The following SSH2 variants were observed in gnomAD, a reference collection of about 807,000 sequenced individuals.
SSH2 encodes slingshot protein phosphatase 2, also known as protein phosphatase Slingshot homolog 2.
A neutral mutation model predicts 135.2 loss-of-function variants in SSH2; 37 were observed. The ratio of observed to expected loss-of-function variants is 0.27; its 90% CI spans 0.21 to 0.36. The LOEUF is 0.36. Ranked by LOEUF, SSH2 falls within the 10% of genes least tolerant of loss-of-function variation. The probability of loss-of-function intolerance (pLI) is 1.00; values close to 1 mark genes in which losing one functional copy is unlikely to be tolerated. For missense variants in SSH2, 1,408 were observed against 1,765.3 expected (o/e 0.80, Z 3.63); for synonymous variants, 628 against 646.2 (o/e 0.97, Z 0.43).
chr17:29,853,046 A>G (rs1456697005), intron 1 of SSH2, among the ~76,000 whole-genome samples: 2 of 151,798 alleles, frequency 1.3e-5, no homozygotes, highest in Non-Finnish European at 1.5e-5. Flanking sequence ...CATTTTTAGT[A>G]AGCTAGGAAT....
intron 1 of SSH2, among the ~76,000 whole-genome samples, chr17:29,889,861 G>A (rs1423378812): frequency 6.6e-6 from 1 of 150,586 alleles, no homozygotes. Context: ...ACCAAGACTG[G>A]GGCAGGAGGA....
At chr17:29,844,827 A>C (rs2151382429) in intron 2 of SSH2, among the ~76,000 whole-genome samples, 2 of 152,328 alleles carry the variant, frequency 1.3e-5, no homozygotes, top group Middle Eastern at 3.4e-3. Context: ...CTTCTCTTCC[A>C]GGAAAGCCCC....
chr17:29,697,415 G>A (rs987637915), intron 4 of SSH2, among the ~76,000 whole-genome samples: 1 of 152,096 alleles, frequency 6.6e-6, no homozygotes, highest in Non-Finnish European at 1.5e-5. Flanking sequence ...GAAGTGGATA[G>A]AGGCAGGAAG....
At chr17:29,813,350 A>C (rs2042483115) in intron 2 of SSH2, among the ~76,000 whole-genome samples, 1 of 151,980 alleles carries the variant, frequency 6.6e-6, no homozygotes, top group Non-Finnish European at 1.5e-5. Flanking sequence ...GCACCACTGC[A>C]CTCCAGACTG....
chr17:29,867,008 A>ATT (rs779818763), intron 1 of SSH2, among the ~76,000 whole-genome samples: 1 of 138,338 alleles, frequency 7.2e-6, no homozygotes, highest in Non-Finnish European at 1.6e-5. Flanking sequence ...TAATTTTTTG[A>ATT]TTTTTTTTTT....
intron 2 of SSH2, among the ~76,000 whole-genome samples, chr17:29,844,161 T>C (rs1381932552): frequency 6.6e-6 from 1 of 152,152 alleles, no homozygotes; most frequent in East Asian, 1.9e-4. Flanking sequence ...CAGAATATAA[T>C]ATTATATCCT....
intron 11 of SSH2, 42 bp downstream of exon 11, chr17:29,666,825 G>A (rs750884547): frequency 1.2e-6 from 2 of 1,602,756 alleles, no homozygotes; most frequent in East Asian, 4.5e-5. Context: ...AGTCCATATG[G>A]GCTAGCGTTA....
chr17:29,660,344 G>A (rs893668109), intron 11 of SSH2, among the ~76,000 whole-genome samples: 1 of 148,754 alleles, frequency 6.7e-6, no homozygotes, highest in African/African-American at 2.5e-5. Context: ...TCAGCTCACC[G>A]CAACCTCTGC....
chr17:29,862,987 C>A (rs188224802), intron 1 of SSH2, among the ~76,000 whole-genome samples: 26 of 152,254 alleles, frequency 1.7e-4, no homozygotes, highest in Non-Finnish European at 1.5e-5. Flanking sequence ...CAAACTATAG[C>A]CTGTGGGCCA....
intron 3 of SSH2, among the ~76,000 whole-genome samples, chr17:29,774,134 G>A (rs1020339962): frequency 3.9e-5 from 6 of 152,140 alleles, no homozygotes; most frequent in Non-Finnish European, 1.5e-5. Context: ...ATAAACATAA[G>A]ATCAGAAGAG....
chr17:29,650,684 T>G lies in SSH2; in HGVS notation c.1196A>C (p.Asn399Thr), dbSNP rs972940770. 6.2e-7 allele frequency: 1 copy of G among 1,613,984 alleles called. No homozygotes were observed. The highest frequency in any genetic ancestry group is 8.5e-7 in the Non-Finnish European group (1 of 1,179,934). ...TTTAGAGATGAATTTGTAAGTGTCATTCCAGTACGCCAGGAGATCCGTTGC... is the reference window on the plus strand; with the variant it reads ...TTTAGAGATGAATTTGTAAGTGTCAGTCCAGTACGCCAGGAGATCCGTTGC... ...EEATDLLAYW[N>T]DTYKFISKAK... Residue 399 changes from asparagine (N) to threonine (T), a missense_variant, in exon 13 of 16, where the codon AAT becomes ACT. Asn to Thr is a moderately conservative substitution (Grantham distance 65). This residue lies in a region of SSH2 where 106 missense variants were observed against 265.2 expected (regional missense o/e 0.40). Transcript: ENST00000540801.
At position 29,634,702 on chromosome 17, in the gene SSH2, G is replaced by A. The variant is rs933094970; in HGVS notation, c.2262+1266C>T. Among the ~76,000 whole-genome samples, 19 of 152,160 alleles carry A rather than the reference G, an allele frequency of 1.2e-4. No individual in the cohort carries two copies. The East Asian group carries it at 1.9e-3, about 15-fold the overall frequency. The stretch of plus-strand genomic sequence containing the variant: ...CAGGTAGCTGGGACTACAGGTGCGC[G>A]CCACCACGCCCAGCTCATTTTTGTA... On this transcript the variant is annotated intron_variant, in intron 15 of 15. Transcript: ENST00000540801.
intron 3 of SSH2, among the ~76,000 whole-genome samples, chr17:29,748,344 C>T (rs1457273325): frequency 1.3e-5 from 2 of 152,084 alleles, no homozygotes; most frequent in East Asian, 1.9e-4. Flanking sequence ...AAGGCCATAA[C>T]ACCCAGAAGA....
chr17:29,861,264 A>G (rs1406514355), intron 1 of SSH2, among the ~76,000 whole-genome samples: 1 of 151,954 alleles, frequency 6.6e-6, no homozygotes, highest in East Asian at 1.9e-4. Flanking sequence ...CTTCTTTGCA[A>G]TTGCTTTTGG....
At position 29,875,821 on chromosome 17, in the gene SSH2, C is replaced by T. The variant is rs567077637; in HGVS notation, c.64-26892G>A. On this transcript the variant is annotated intron_variant, in intron 1 of 15. Transcript: ENST00000540801. ...CCTGGCTCCTACTTATTCTTCAAAC[C>T]TCACTCGGTATAACTCCATCATGAA... is the stretch of plus-strand genomic sequence containing the variant. Among the ~76,000 whole-genome samples the T allele has an allele frequency of 2.6e-5, 4 of 152,168 alleles. No individual in the cohort carries two copies. In the East Asian group the frequency reaches 7.7e-4, roughly 29 times the overall value.
At chr17:29,670,071 G>A (rs1317518850) in intron 9 of SSH2, among the ~76,000 whole-genome samples, 6 of 151,788 alleles carry the variant, frequency 4.0e-5, no homozygotes, top group Non-Finnish European at 7.4e-5. Flanking sequence ...TAGTAGAGAC[G>A]GGGTTTCACC....
intron 8 of SSH2, among the ~76,000 whole-genome samples, chr17:29,672,672 T>C (rs2037541929): frequency 6.6e-6 from 1 of 152,196 alleles, no homozygotes; most frequent in Non-Finnish European, 1.5e-5. Flanking sequence ...CTAGTCTCTT[T>C]AAATCCATGA....
intron 3 of SSH2, among the ~76,000 whole-genome samples, chr17:29,762,005 C>G (rs1171635250): frequency 1.3e-5 from 2 of 151,808 alleles, no homozygotes; most frequent in African/African-American, 4.8e-5. Context: ...CTCAGCCTCC[C>G]GAGTAGCTGG....
chr17:29,637,585 C>T (rs1052962868), intron 14 of SSH2, among the ~76,000 whole-genome samples: 4 of 151,836 alleles, frequency 2.6e-5, no homozygotes, highest in Non-Finnish European at 4.4e-5. Flanking sequence ...AGTTCGAGAC[C>T]AGCCTGGGCA....
Sources: gnomAD v4.1 joint callset for allele counts (sites outside exome capture counted in the v4.1 genomes callset) on GRCh38, gnomAD v4.1.1 for gene constraint, gnomAD v4.1.1 regional missense constraint, MANE v1.5 for transcripts, NCBI Gene and HGNC (gene_info 2026-07-23, HGNC 2026-07-21) for gene names.